The following TRAPPC9 variants were observed in gnomAD, a reference collection of about 807,000 sequenced individuals.
The protein encoded by TRAPPC9 is trafficking protein particle complex subunit 9.
Under a neutral mutation model 124.0 loss-of-function variants are expected in TRAPPC9, and 83 were observed. That is an observed-to-expected ratio of 0.67 (90% CI 0.56 to 0.80). TRAPPC9 has a LOEUF of 0.80. TRAPPC9 is among the 30% of genes least tolerant of loss of function. The pLI, the probability that TRAPPC9 is intolerant of heterozygous loss-of-function variation, is 0.00. For synonymous variants in TRAPPC9, 638 were observed against 617.5 expected, an observed-to-expected ratio of 1.03 and a Z score of -0.49; for missense variants, 1,302 against 1,508.3, an observed-to-expected ratio of 0.86 and a Z score of 2.27.
At chr8:140,188,118 G>T (rs751893564) in intron 17 of TRAPPC9, among the ~76,000 whole-genome samples, 35 of 152,198 alleles carry the variant, frequency 2.3e-4, no homozygotes, top group Non-Finnish European at 4.1e-4. Flanking sequence ...CAGAGATCAT[G>T]GGAGAAGGAG....
chr8:139,812,878 T>C (rs1824540169), intron 21 of TRAPPC9, among the ~76,000 whole-genome samples: 1 of 152,170 alleles, frequency 6.6e-6, no homozygotes, highest in South Asian at 2.1e-4. Flanking sequence ...CTACTTTACA[T>C]GGGTTTCGGG....
chr8:140,040,040 CTA>C (rs1316770710), intron 17 of TRAPPC9: 6 of 152,166 alleles, frequency 3.9e-5, no homozygotes, highest in Non-Finnish European at 8.8e-5. Flanking sequence ...CTAATACTGA[CTA>C]TGTGGAGGAG....
At chr8:139,970,040 C>T (rs1207287041) in intron 19 of TRAPPC9, among the ~76,000 whole-genome samples, 2 of 152,236 alleles carry the variant, frequency 1.3e-5, no homozygotes, top group Admixed American at 6.5e-5. Context: ...TAAGGAAAGA[C>T]AGCAATTTTT....
At chr8:140,027,517 A>AAC (rs1563700937) in intron 17 of TRAPPC9, among the ~76,000 whole-genome samples, 1 of 152,240 alleles carries the variant, frequency 6.6e-6, no homozygotes, top group Admixed American at 6.5e-5. Flanking sequence ...AAAGTACCAC[A>AAC]TCACCAAGAG....
intron 17 of TRAPPC9, among the ~76,000 whole-genome samples, chr8:140,078,163 T>C (rs182263053): frequency 3.3e-5 from 5 of 152,352 alleles, no homozygotes; most frequent in African/African-American, 1.2e-4. Context: ...CATCTCTTCA[T>C]GCTTTTCTCT....
chr8:140,166,699 C>T (rs752914716), intron 17 of TRAPPC9, among the ~76,000 whole-genome samples: 17 of 152,218 alleles, frequency 1.1e-4, no homozygotes, highest in African/African-American at 2.4e-4. Context: ...AGCAAGAAAG[C>T]AAGCAGGCAG....
At chr8:140,051,317 G>A (rs2132085785) in intron 17 of TRAPPC9, among the ~76,000 whole-genome samples, 1 of 152,354 alleles carries the variant, frequency 6.6e-6, no homozygotes, top group South Asian at 2.1e-4. Flanking sequence ...GCTCCACACT[G>A]GGATCTGAAC....
In TRAPPC9 at chr8:140,419,457, AC is replaced by A. The variant is rs1244658195; in HGVS notation, c.886+7157del. 7.6e-4 allele frequency among the ~76,000 whole-genome samples: 110 copies of A among 144,060 alleles called. 1 individual carries two copies. Among genetic ancestry groups the A allele is most frequent in the African/African-American group, 3.0e-3 (107 of 36,068 alleles). 94.5% of individuals were successfully genotyped at this position (144,060 alleles called of 152,430 possible). ...AAAAAAAAAAAAAAAAAAAAACAAA[AC>A]AAAACAAAAAACGAGGCATAGAAGG... On this transcript the variant is annotated intron_variant, in intron 5 of 22. Transcript: ENST00000438773.
chr8:139,741,357 C>T (rs1172047872), intron 21 of TRAPPC9, among the ~76,000 whole-genome samples: 1 of 152,156 alleles, frequency 6.6e-6, no homozygotes, highest in Non-Finnish European at 1.5e-5. Context: ...GGAGGGCTGA[C>T]CCTTGTTCCA....
At chr8:140,136,351 G>A (rs566077491) in intron 17 of TRAPPC9, among the ~76,000 whole-genome samples, 27 of 152,308 alleles carry the variant, frequency 1.8e-4, no homozygotes, top group African/African-American at 2.9e-4. Flanking sequence ...CACGAGGCCC[G>A]GCTGCCTGGC....
intron 19 of TRAPPC9, among the ~76,000 whole-genome samples, chr8:139,963,733 C>A (rs937812776): frequency 7.7e-6 from 1 of 129,742 alleles, no homozygotes; most frequent in Non-Finnish European, 1.5e-5. Flanking sequence ...GGATTCCCTC[C>A]GAGAACCAGT....
chr8:139,988,693 C>T lies in TRAPPC9; in HGVS notation c.2810+33G>A, dbSNP rs376288323. ...CAGCGTGGTGAAGGCAGAGGGTGGC[C>T]TGCGGCGGCGCGAGGGTCTATGGGA... is the stretch of plus-strand genomic sequence containing the variant. On this transcript the variant is annotated intron_variant, in intron 19 of 22. Transcript: ENST00000438773. The T allele has an allele frequency of 4.3e-5, 62 of 1,446,662 alleles. 1 individual carries two copies. In the African/African-American group the frequency reaches 8.0e-4, roughly 19 times the overall value. 89.6% of individuals were successfully genotyped at this position (1,446,662 alleles called of 1,614,324 possible).
intron 2 of TRAPPC9, among the ~76,000 whole-genome samples, chr8:140,444,768 C>T (rs1031943325): frequency 1.3e-5 from 2 of 151,062 alleles, no homozygotes; most frequent in Non-Finnish European, 2.9e-5. Context: ...GGAGGCAAGG[C>T]TGGAGAATCA....
At chr8:139,800,058 C>T (rs1823369022) in intron 21 of TRAPPC9, among the ~76,000 whole-genome samples, 1 of 152,238 alleles carries the variant, frequency 6.6e-6, no homozygotes, top group Non-Finnish European at 1.5e-5. Flanking sequence ...CAAACAGATG[C>T]CACAAAACAC....
At chr8:140,390,401 G>T (rs368269337) in intron 7 of TRAPPC9, among the ~76,000 whole-genome samples, 1 of 152,228 alleles carries the variant, frequency 6.6e-6, no homozygotes, top group Non-Finnish European at 1.5e-5. Context: ...AAGCTGTGAA[G>T]CACCATTCTC....
At chr8:140,309,520 A>G (rs993952789) in intron 10 of TRAPPC9, among the ~76,000 whole-genome samples, 2 of 151,586 alleles carry the variant, frequency 1.3e-5, no homozygotes, top group Non-Finnish European at 2.9e-5. Flanking sequence ...AAGAAGCCTC[A>G]GCTCCTGGAT....
At chr8:139,863,299 C>A (rs889119904) in intron 21 of TRAPPC9, among the ~76,000 whole-genome samples, 1 of 152,242 alleles carries the variant, frequency 6.6e-6, no homozygotes, top group African/African-American at 2.4e-5. Flanking sequence ...AAGCCCAGGA[C>A]TTGCAGAGAC....
chr8:140,446,321 A>G lies in TRAPPC9; in HGVS notation c.584+4469T>C, dbSNP rs117949571. On this transcript the variant is annotated intron_variant, in intron 2 of 22. Coordinates refer to ENST00000438773, the MANE Select transcript of TRAPPC9 (RefSeq NM_001160372.4). ...AAAAAAAAAAAAAAAAAGCAGACAC[A>G]GTTATTTCTATGTCTTACCTACATG... is the stretch of plus-strand genomic sequence containing the variant. Among the ~76,000 whole-genome samples the G allele has an allele frequency of 5.9e-3, 897 of 151,014 alleles. 7 individuals carry two copies. The highest frequency in any genetic ancestry group is 9.0e-3 in the Admixed American group (136 of 15,142).
chr8:140,270,338 T>C (rs1047321731), intron 15 of TRAPPC9, among the ~76,000 whole-genome samples: 11 of 152,190 alleles, frequency 7.2e-5, no homozygotes, highest in Admixed American at 6.5e-4. Context: ...CACACGCTTG[T>C]CTACGTCCTC....
Sources: allele counts gnomAD v4.1 joint callset (sites outside exome capture counted in the v4.1 genomes callset), GRCh38; gene constraint gnomAD v4.1.1; transcripts MANE v1.5; gene names NCBI Gene and HGNC (gene_info 2026-07-23, HGNC 2026-07-21).